The following NEBL variants were observed in gnomAD, a reference collection of about 807,000 sequenced individuals.
NEBL encodes the protein LIM and SH3 protein 2.
Under a neutral mutation model 140.2 loss-of-function variants are expected in NEBL, and 122 were observed. That is an observed-to-expected ratio of 0.87 (90% CI 0.75 to 1.01). NEBL has a LOEUF of 1.01. Ranked by LOEUF, NEBL falls within the 50% of genes least tolerant of loss-of-function variation. NEBL has a pLI of 0.00. For synonymous variants in NEBL, 436 were observed against 398.9 expected (o/e 1.09, Z -1.11); for missense variants, 1,365 against 1,231.3 (o/e 1.11, Z -1.62).
chr10:20,874,071 G>T (rs1034655679), intron 5 of NEBL, among the ~76,000 whole-genome samples: 5 of 152,010 alleles, frequency 3.3e-5, no homozygotes, highest in African/African-American at 1.2e-4. Flanking sequence ...AGTGATTCTG[G>T]TTTCTTCCAT....
chr10:20,880,121 G>T (rs1289611732), intron 5 of NEBL, among the ~76,000 whole-genome samples: 1 of 152,162 alleles, frequency 6.6e-6, no homozygotes, highest in Non-Finnish European at 1.5e-5. Context: ...CCAGCACTTT[G>T]GGAGGTTGAG....
At chr10:21,243,272 C>T (rs575107241) in intron 3 of NEBL, among the ~76,000 whole-genome samples, 1 of 150,496 alleles carries the variant, frequency 6.6e-6, no homozygotes, top group Non-Finnish European at 1.5e-5. Context: ...CCTCTGTAGG[C>T]AAATTCCCCT....
chr10:20,789,023 T>C (rs907032402), intron 26 of NEBL, among the ~76,000 whole-genome samples: 4 of 152,194 alleles, frequency 2.6e-5, no homozygotes, highest in Admixed American at 6.5e-5. Flanking sequence ...CTGTCCACTA[T>C]GTTCAAGGCA....
chr10:20,938,906 T>C (rs1374295652), intron 4 of NEBL, among the ~76,000 whole-genome samples: 1 of 151,958 alleles, frequency 6.6e-6, no homozygotes, highest in African/African-American at 2.4e-5. Flanking sequence ...TAAAAAGAAA[T>C]GAACAAAACC....
intron 1 of NEBL, among the ~76,000 whole-genome samples, chr10:21,274,889 G>T (rs1842900895): frequency 6.6e-6 from 1 of 151,942 alleles, no homozygotes; most frequent in African/African-American, 2.4e-5. Context: ...GAGTGGAAGT[G>T]GATCATCATA....
At chr10:21,118,336 G>A (rs1209685715) in intron 2 of NEBL, among the ~76,000 whole-genome samples, 1 of 152,090 alleles carries the variant, frequency 6.6e-6, no homozygotes, top group Admixed American at 6.6e-5. Context: ...CCTGAGAAGG[G>A]GCAAAATGTT....
intron 2 of NEBL, among the ~76,000 whole-genome samples, chr10:21,066,533 A>G (rs1259188619): frequency 2.6e-5 from 4 of 152,244 alleles, no homozygotes; most frequent in Non-Finnish European, 5.9e-5. Flanking sequence ...AAATATGTCT[A>G]AGATATTTAA....
intron 1 of NEBL, among the ~76,000 whole-genome samples, chr10:21,288,201 G>T (rs1307473724): frequency 6.6e-6 from 1 of 152,238 alleles, no homozygotes; most frequent in Non-Finnish European, 1.5e-5. Context: ...CGGGCATGGT[G>T]GCTAACACCT....
At chr10:20,870,249 C>T (rs1844783441) in intron 5 of NEBL, among the ~76,000 whole-genome samples, 4 of 150,046 alleles carry the variant, frequency 2.7e-5, no homozygotes. Flanking sequence ...TCGCTCAAAC[C>T]CGAGAGGCAG....
chr10:21,144,747 A>C (rs1014938910), intron 2 of NEBL, among the ~76,000 whole-genome samples: 1 of 152,012 alleles, frequency 6.6e-6, no homozygotes, highest in Admixed American at 6.6e-5. Context: ...AAAAGAAAAA[A>C]AGGCAGATTG....
intron 2 of NEBL, among the ~76,000 whole-genome samples, chr10:21,076,200 T>C (rs1054218898): frequency 2.6e-5 from 4 of 152,004 alleles, no homozygotes; most frequent in Non-Finnish European, 5.9e-5. Flanking sequence ...CCCAGCACTT[T>C]AGGAGGCCGA....
chr10:21,040,489 G>A (rs528753209), intron 2 of NEBL, among the ~76,000 whole-genome samples: 13 of 152,242 alleles, frequency 8.5e-5, no homozygotes, highest in African/African-American at 2.4e-4. Context: ...CCTGGTGAGC[G>A]AAGGAGAAAT....
chr10:20,900,959 A>G (rs749748488), upstream of NEBL, among the ~76,000 whole-genome samples: 25 of 152,024 alleles, frequency 1.6e-4, no homozygotes, highest in Non-Finnish European at 2.9e-4. Flanking sequence ...CGGAGGTTGC[A>G]GTGAGCCAAG....
chr10:20,982,302 TA>T (rs1837083790), intron 3 of NEBL, among the ~76,000 whole-genome samples: 1 of 152,242 alleles, frequency 6.6e-6, no homozygotes, highest in Admixed American at 6.5e-5. Flanking sequence ...CATGTAAGTC[TA>T]ACTTCAGGCA....
At chr10:21,097,184 G>A (rs1004255516) in intron 2 of NEBL, among the ~76,000 whole-genome samples, 8 of 144,970 alleles carry the variant, frequency 5.5e-5, no homozygotes, top group Middle Eastern at 7.3e-3. Context: ...CAGGTGCGGT[G>A]GCTCACGCCT....
chr10:21,119,257 CCTAA>C lies in NEBL; in HGVS notation c.164+53122_164+53125del, dbSNP rs891265527. Among the ~76,000 whole-genome samples the C allele has an allele frequency of 1.4e-4, 22 of 152,036 alleles. 1 individual carries two copies. The highest frequency in any genetic ancestry group is 4.6e-4 in the African/African-American group (19 of 41,406). ...CATCTCTAACACAAAGTTCTTTCTT[CCTAA>C]CTTTTTATTTTGAAAAATTTCAAAC... On this transcript the variant is annotated intron_variant, in intron 2 of 6. Coordinates refer to the NEBL transcript ENST00000417816.
chr10:20,907,996 T>C (rs1271991724), intron 4 of NEBL, among the ~76,000 whole-genome samples: 1 of 152,188 alleles, frequency 6.6e-6, no homozygotes, highest in African/African-American at 2.4e-5. Context: ...AGGAACTCCA[T>C]ATAAAAATGA....
intron 1 of NEBL, among the ~76,000 whole-genome samples, chr10:21,272,281 A>T (rs1247430705): frequency 6.6e-6 from 1 of 152,000 alleles, no homozygotes; most frequent in Admixed American, 6.6e-5. Context: ...AAAAATTTTT[A>T]CGTGTCAAAA....
At chr10:20,909,517 G>C (rs1361682919) in intron 4 of NEBL, among the ~76,000 whole-genome samples, 3 of 152,074 alleles carry the variant, frequency 2.0e-5, no homozygotes, top group African/African-American at 7.2e-5. Context: ...TACCCAAATA[G>C]AGCCTGCCTT....
Sources: gnomAD v4.1 joint callset for allele counts (sites outside exome capture counted in the v4.1 genomes callset) on GRCh38, gnomAD v4.1.1 for gene constraint, MANE v1.5 for transcripts, NCBI Gene and HGNC (gene_info 2026-07-23, HGNC 2026-07-21) for gene names.